The following CCDC88C variants were observed in gnomAD, a reference collection of about 807,000 sequenced individuals.
CCDC88C encodes the protein coiled-coil and HOOK domain protein 88C.
A neutral mutation model predicts 198.8 loss-of-function variants in CCDC88C; 131 were observed. The observed-to-expected ratio is 0.66, with a 90% CI of 0.57 to 0.76. The LOEUF is 0.76. CCDC88C is among the 30% of genes least tolerant of loss of function. The probability of loss-of-function intolerance (pLI) is 0.00; values close to 1 mark genes in which losing one functional copy is unlikely to be tolerated. For synonymous variants in CCDC88C, 1,166 were observed against 1,114.7 expected (o/e 1.05, Z -0.92); for missense variants, 2,553 against 2,631.6 (o/e 0.97, Z 0.65).
chr14:91,316,388 G>A (rs1892097397), intron 13 of CCDC88C, among the ~76,000 whole-genome samples: 1 of 151,606 alleles, frequency 6.6e-6, no homozygotes, highest in Non-Finnish European at 1.5e-5. Context: ...CGTTGCACAC[G>A]AGTGCCCGCC....
chr14:91,289,042 G>A (rs1185140993), intron 25 of CCDC88C, 63 bp downstream of exon 25: 29 of 1,355,016 alleles, frequency 2.1e-5, no homozygotes, highest in African/African-American at 2.9e-5. Flanking sequence ...CACAGCCACC[G>A]GTGCGGGACC....
chr14:91,293,890 A>G (rs1241038929), intron 23 of CCDC88C, among the ~76,000 whole-genome samples: 1 of 152,224 alleles, frequency 6.6e-6, no homozygotes, highest in Non-Finnish European at 1.5e-5. Flanking sequence ...CAGTGTTCTC[A>G]TGATTTTTTC....
At position 91,385,684 on chromosome 14, in the gene CCDC88C, C is replaced by T. The variant is rs1885089867; in HGVS notation, c.270+22975G>A. Among the ~76,000 whole-genome samples the T allele has an allele frequency of 2.0e-5, 3 of 152,142 alleles. No homozygotes were observed. The South Asian group carries it at 6.2e-4, about 31-fold the overall frequency. ...CAGGGTTTTAAAAGCCTGCTTTTGACCAGGTGTGGTGGCTCACACCTGTAA... is the reference window on the plus strand; with the variant it reads ...CAGGGTTTTAAAAGCCTGCTTTTGATCAGGTGTGGTGGCTCACACCTGTAA... On this transcript the variant is annotated intron_variant, in intron 3 of 29. Transcript: ENST00000389857.
In CCDC88C at chr14:91,277,821, C is replaced by A; in HGVS notation, c.5058+101G>T. ...TGTCCAAGCCAGTCCTGTGCCTAGG[C>A]CACGCCACCCCCACCCCATCCTTTC... On this transcript the variant is annotated intron_variant, in intron 29 of 29. Coordinates refer to ENST00000389857, the MANE Select transcript of CCDC88C (RefSeq NM_001080414.4). 6.7e-6 allele frequency: 9 copies of A among 1,347,620 alleles called. 1 individual carries two copies. The South Asian group carries it at 1.5e-4, about 22-fold the overall frequency. The allele number at this position is 1,347,620 out of a possible 1,614,324, so 83.5% of individuals were successfully genotyped here.
intron 23 of CCDC88C, among the ~76,000 whole-genome samples, chr14:91,292,785 C>T (rs914415382): frequency 5.3e-5 from 8 of 152,116 alleles, no homozygotes; most frequent in South Asian, 2.1e-4. Context: ...TCTAGATTCT[C>T]GATTCCTCGA....
At chr14:91,411,941 C>G (rs1886813724) in intron 2 of CCDC88C, among the ~76,000 whole-genome samples, 1 of 139,978 alleles carries the variant, frequency 7.1e-6, no homozygotes, top group Non-Finnish European at 1.5e-5. Context: ...CCAGCCTGTG[C>G]AACAGAGTGA....
At chr14:91,397,725 C>T (rs1885936632) in intron 3 of CCDC88C, among the ~76,000 whole-genome samples, 1 of 152,222 alleles carries the variant, frequency 6.6e-6, no homozygotes, top group African/African-American at 2.4e-5. Context: ...CTCTGGGCTC[C>T]AGGCTGGTGT....
At chr14:91,355,045 G>A (rs1893981169) in intron 4 of CCDC88C, among the ~76,000 whole-genome samples, 1 of 152,208 alleles carries the variant, frequency 6.6e-6, no homozygotes, top group Non-Finnish European at 1.5e-5. Flanking sequence ...AGGCCCTAGT[G>A]CCCGGAGCGG....
chr14:91,293,738 A>G (rs964380900), intron 23 of CCDC88C, among the ~76,000 whole-genome samples: 4 of 151,600 alleles, frequency 2.6e-5, no homozygotes, highest in African/African-American at 9.7e-5. Context: ...ACCTCCCCCT[A>G]CTGGTTCCTG....
chr14:91,315,959 A>G, intron 13 of CCDC88C, 172 bp from the exon 14 acceptor site: 1 of 631,082 alleles, frequency 1.6e-6, no homozygotes, highest in Non-Finnish European at 2.7e-6. Flanking sequence ...GTCACTCTTA[A>G]GACAGAAAGT....
At chr14:91,405,754 A>T (rs1186699393) in intron 3 of CCDC88C, among the ~76,000 whole-genome samples, 4 of 152,186 alleles carry the variant, frequency 2.6e-5, no homozygotes, top group African/African-American at 9.7e-5. Context: ...TGACCTATAT[A>T]ACAAAAACTT....
At position 91,371,075 on chromosome 14, in the gene CCDC88C, A is replaced by C. The variant is rs973092736; in HGVS notation, c.271-11364T>G. Among the ~76,000 whole-genome samples the C allele has an allele frequency of 1.1e-4, 17 of 152,114 alleles. No homozygotes were observed. The highest frequency in any genetic ancestry group is 8.5e-4 in the Admixed American group (13 of 15,282). On this transcript the variant is annotated intron_variant, in intron 3 of 29. Transcript: ENST00000389857. The surrounding 1 kb of genome is among the most constrained non-coding windows in gnomAD (Gnocchi z 4.2). Reference sequence around the variant, plus strand: ...ATGGAGAGAGCAGGACCCTTTCCCCACAGGACAGCACCTGCAGCAGTTCTG... The same window carrying C: ...ATGGAGAGAGCAGGACCCTTTCCCCCCAGGACAGCACCTGCAGCAGTTCTG...
chr14:91,397,251 G>A (rs550652947), intron 3 of CCDC88C, among the ~76,000 whole-genome samples: 2 of 152,178 alleles, frequency 1.3e-5, no homozygotes, highest in African/African-American at 4.8e-5. Flanking sequence ...CCCAGGCAAG[G>A]GGACAGCCAC....
chr14:91,326,953 G>A (rs958475941), intron 10 of CCDC88C, among the ~76,000 whole-genome samples: 9 of 152,312 alleles, frequency 5.9e-5, no homozygotes, highest in African/African-American at 2.2e-4. Flanking sequence ...GGGGTGCGCT[G>A]GATCTATTTT....
intron 25 of CCDC88C, among the ~76,000 whole-genome samples, chr14:91,286,088 G>C (rs1432457263): frequency 6.6e-6 from 1 of 152,112 alleles, no homozygotes; most frequent in Non-Finnish European, 1.5e-5. Context: ...CTCAGCGTGT[G>C]AGGAGAATTA....
At chr14:91,389,770 A>G (rs996388130) in intron 3 of CCDC88C, among the ~76,000 whole-genome samples, 1 of 151,394 alleles carries the variant, frequency 6.6e-6, no homozygotes, top group Non-Finnish European at 1.5e-5. Flanking sequence ...AGAAAAAAAA[A>G]GAGGAGAAAA....
In CCDC88C at chr14:91,345,708, C is replaced by T. The variant is rs150039358; in HGVS notation, c.341-2051G>A. 3.1e-3 allele frequency among the ~76,000 whole-genome samples: 474 copies of T among 152,216 alleles called. 6 individuals are homozygous for T. The highest frequency in any genetic ancestry group is 0.011 in the African/African-American group (448 of 41,528). ...GTCAATCAGGCCAAAAATCCTGTTT[C>T]GTCATTCTGAGCTGTGTCTCTTTGA... On this transcript the variant is annotated intron_variant, in intron 4 of 29. Coordinates refer to ENST00000389857, the MANE Select transcript of CCDC88C (RefSeq NM_001080414.4).
chr14:91,299,109 G>T (rs1228532247), intron 21 of CCDC88C, among the ~76,000 whole-genome samples: 1 of 152,228 alleles, frequency 6.6e-6, no homozygotes, highest in Non-Finnish European at 1.5e-5. Flanking sequence ...GTTCCCGGGA[G>T]CCTCTGGCCA....
chr14:91,335,252 T>C (rs1050313649), intron 10 of CCDC88C, among the ~76,000 whole-genome samples: 2 of 152,114 alleles, frequency 1.3e-5, no homozygotes, highest in Admixed American at 6.5e-5. Flanking sequence ...GCCTGAGTGC[T>C]TAAATGTTCT....
Sources: gnomAD v4.1 joint callset for allele counts (sites outside exome capture counted in the v4.1 genomes callset) on GRCh38, gnomAD v4.1.1 for gene constraint, Gnocchi (gnomAD v3.1) non-coding constraint, MANE v1.5 for transcripts, NCBI Gene and HGNC (gene_info 2026-07-23, HGNC 2026-07-21) for gene names.